The following FUT8 variants were observed in gnomAD, a reference collection of about 807,000 sequenced individuals.
FUT8 encodes the protein alpha-(1,6)-fucosyltransferase.
FUT8 carries 29 observed loss-of-function variants against 71.3 expected under a neutral mutation model. The ratio of observed to expected loss-of-function variants is 0.41; its 90% CI spans 0.30 to 0.55. FUT8 has a LOEUF of 0.55. Ranked by LOEUF, FUT8 falls within the 20% of genes least tolerant of loss-of-function variation. The pLI, the probability that FUT8 is intolerant of heterozygous loss-of-function variation, is 0.34. For synonymous variants in FUT8, 254 were observed against 239.3 expected, an observed-to-expected ratio of 1.06 and a Z score of -0.57; for missense variants, 544 against 702.1, an observed-to-expected ratio of 0.77 and a Z score of 2.55.
intron 2 of FUT8, among the ~76,000 whole-genome samples, chr14:65,477,898 TA>T (rs1370693849): frequency 1.3e-5 from 2 of 151,676 alleles, no homozygotes; most frequent in Non-Finnish European, 2.9e-5. Flanking sequence ...GTTCTAGGTG[TA>T]AAAAGCATCA....
chr14:65,664,514 A>T (rs1249843654), intron 6 of FUT8, among the ~76,000 whole-genome samples: 2 of 152,158 alleles, frequency 1.3e-5, no homozygotes, highest in Non-Finnish European at 2.9e-5. Context: ...AGATTCAAAA[A>T]GGCTCTTAAC....
chr14:65,581,962 C>T (rs1887115956), intron 3 of FUT8, among the ~76,000 whole-genome samples: 1 of 152,142 alleles, frequency 6.6e-6, no homozygotes, highest in South Asian at 2.1e-4. Context: ...TTAGGCTTGG[C>T]AGGATACAAC....
intron 6 of FUT8, among the ~76,000 whole-genome samples, chr14:65,632,981 G>GCTCTCCC: frequency 6.9e-6 from 1 of 144,580 alleles, no homozygotes; most frequent in South Asian, 2.2e-4. Flanking sequence ...GGTGTCCTTT[G>GCTCTCCC]CTCTCCCCTC....
intron 1 of FUT8, among the ~76,000 whole-genome samples, chr14:65,414,516 G>A (rs913227746): frequency 6.6e-6 from 1 of 152,142 alleles, no homozygotes; most frequent in African/African-American, 2.4e-5. Flanking sequence ...ATAAGGCCCT[G>A]TACCTTGCTG....
At position 65,483,829 on chromosome 14, in the gene FUT8, T is replaced by C. The variant is rs1275265222; in HGVS notation, c.-228+28111T>C. Among the ~76,000 whole-genome samples the C allele has an allele frequency of 6.6e-6, 1 of 152,090 alleles. No homozygotes were observed. The highest frequency in any genetic ancestry group is 2.4e-5 in the African/African-American group (1 of 41,384). ...CTCACTGCAACCTTCACCTTCTGGT[T>C]TCAAGTGATTCTTCTGACTCAGCCT... On this transcript the variant is annotated intron_variant, in intron 2 of 10. Transcript: ENST00000673929. This position sits in a 1 kb window ranked among gnomAD's most constrained non-coding sequence, Gnocchi z 4.4.
At chr14:65,412,128 G>GT (rs1595336071), upstream of FUT8, 1 of 454,282 alleles carries the variant, frequency 2.2e-6, no homozygotes, top group Non-Finnish European at 4.4e-6. Context: ...TCAGGCCCTC[G>GT]TGGGGGGGGT....
chr14:65,487,147 T>C (rs1165728350), intron 2 of FUT8, among the ~76,000 whole-genome samples: 1 of 152,202 alleles, frequency 6.6e-6, no homozygotes, highest in Non-Finnish European at 1.5e-5. Context: ...AATTTTTTTA[T>C]AGGGCTTTGA....
At chr14:65,497,157 A>G (rs1040084258) in intron 2 of FUT8, among the ~76,000 whole-genome samples, 3 of 152,170 alleles carry the variant, frequency 2.0e-5, no homozygotes, top group African/African-American at 7.2e-5. Context: ...TCCAACGGTA[A>G]TATATGTCCA....
chr14:65,367,599 C>T, the FUT8 span, among the ~76,000 whole-genome samples: 1 of 152,172 alleles, frequency 6.6e-6, no homozygotes, highest in Non-Finnish European at 1.5e-5. Context: ...TCAGGAGGCT[C>T]AGTTTCCCCA....
At position 65,724,141 on chromosome 14, in the gene FUT8, C is replaced by A; in HGVS notation, c.1083-6C>A. Reference sequence around the variant, plus strand: ...ATTACCAGTAGAATCTGAATTTCTCCCCCAGAGTCCATGTCAGACGCACAG... The same window carrying A: ...ATTACCAGTAGAATCTGAATTTCTCACCCAGAGTCCATGTCAGACGCACAG... On this transcript the variant is annotated splice_region_variant and splice_polypyrimidine_tract_variant and intron_variant, in intron 8 of 10. Transcript: ENST00000673929. 1 of 1,563,800 alleles carries A rather than the reference C, an allele frequency of 6.4e-7. No homozygotes were observed.
At chr14:65,395,124 C>A in the FUT8 span, among the ~76,000 whole-genome samples, 3 of 152,224 alleles carry the variant, frequency 2.0e-5, no homozygotes, top group Non-Finnish European at 4.4e-5. Flanking sequence ...GAGGTAGGCT[C>A]CCACGGTCTT....
intron 2 of FUT8, among the ~76,000 whole-genome samples, chr14:65,514,688 C>G (rs1882588361): frequency 6.6e-6 from 1 of 151,456 alleles, no homozygotes. Flanking sequence ...AGTCAAATCA[C>G]TTCTTTTTTT....
At chr14:65,508,491 GTTTTTTTTT>G (rs34809476) in intron 2 of FUT8, among the ~76,000 whole-genome samples, 701 of 46,484 alleles carry the variant, frequency 0.015, 5 homozygotes, top group African/African-American at 0.048. Flanking sequence ...AGTTGTTTGA[GTTTTTTTTT>G]TTTTTTTTTT....
intron 10 of FUT8, among the ~76,000 whole-genome samples, chr14:65,739,498 C>T (rs1223116324): frequency 1.3e-5 from 2 of 151,988 alleles, no homozygotes; most frequent in Non-Finnish European, 2.9e-5. Flanking sequence ...GGGTGTGGGA[C>T]AGGGTGCGAT....
At chr14:65,682,669 A>G (rs1053782794) in intron 7 of FUT8, among the ~76,000 whole-genome samples, 13 of 152,226 alleles carry the variant, frequency 8.5e-5, no homozygotes, top group South Asian at 6.2e-4. Context: ...GATGATAAAA[A>G]TACTTGCCCA....
At chr14:65,524,958 C>T (rs1344277296) in intron 2 of FUT8, among the ~76,000 whole-genome samples, 1 of 152,164 alleles carries the variant, frequency 6.6e-6, no homozygotes, top group East Asian at 1.9e-4. Context: ...TTTTGATGTG[C>T]TGCTGGATTC....
intron 6 of FUT8, among the ~76,000 whole-genome samples, chr14:65,630,710 G>A (rs1890138005): frequency 6.6e-6 from 1 of 152,146 alleles, no homozygotes; most frequent in African/African-American, 2.4e-5. Context: ...CCAAGTAGAT[G>A]AAAGAACTGA....
chr14:65,507,993 A>G (rs1412068543), intron 2 of FUT8, among the ~76,000 whole-genome samples: 4 of 151,386 alleles, frequency 2.6e-5, no homozygotes, highest in South Asian at 4.2e-4. Flanking sequence ...GATAAAAGCC[A>G]TTTTAACTGG....
At chr14:65,558,557 G>A (rs1885725934) in intron 2 of FUT8, among the ~76,000 whole-genome samples, 1 of 152,176 alleles carries the variant, frequency 6.6e-6, no homozygotes, top group Admixed American at 6.5e-5. Flanking sequence ...CCAACTAAGT[G>A]CCAAATACCG....
Sources: gnomAD v4.1 joint callset for allele counts (sites outside exome capture counted in the v4.1 genomes callset) on GRCh38, gnomAD v4.1.1 for gene constraint, Gnocchi (gnomAD v3.1) non-coding constraint, MANE v1.5 for transcripts, NCBI Gene and HGNC (gene_info 2026-07-23, HGNC 2026-07-21) for gene names.